The following SCN7A variants were observed in gnomAD, a reference collection of about 807,000 sequenced individuals.
The protein encoded by SCN7A is sodium voltage-gated channel alpha subunit 7.
Under a neutral mutation model 155.2 loss-of-function variants are expected in SCN7A, and 138 were observed. That is an observed-to-expected ratio of 0.89 (90% CI 0.77 to 1.02). The LOEUF is 1.02. SCN7A is among the 50% of genes least tolerant of loss of function. The pLI is 0.00. For missense variants in SCN7A, 2,058 were observed against 1,986.6 expected (o/e 1.04, Z -0.68); for synonymous variants, 693 against 649.0 (o/e 1.07, Z -1.03).
At chr2:166,492,638 A>C (rs1043787430) in intron 1 of SCN7A, among the ~76,000 whole-genome samples, 9 of 152,220 alleles carry the variant, frequency 5.9e-5, no homozygotes, top group Non-Finnish European at 1.2e-4. Context: ...AGGTGGCAAG[A>C]AAAGGATTTG....
chr2:166,441,286 A>G (rs1701953795), intron 15 of SCN7A, 110 bp downstream of exon 15: 3 of 721,734 alleles, frequency 4.2e-6, no homozygotes, highest in Non-Finnish European at 6.7e-6. Context: ...GGGTTACTCT[A>G]TTGGACTACC....
chr2:166,454,810 T>C (rs752793220), intron 11 of SCN7A, among the ~76,000 whole-genome samples: 10 of 152,200 alleles, frequency 6.6e-5, no homozygotes, highest in South Asian at 2.1e-4. Flanking sequence ...TACCATCTGG[T>C]CCTTTCTTTA....
Position 166,417,518 on chromosome 2 carries a change from T to C in SCN7A, c.3136-533A>G, listed in dbSNP as rs551232121. Among the ~76,000 whole-genome samples the C allele has an allele frequency of 2.1e-4, 32 of 152,024 alleles. No homozygotes were observed. In the South Asian group the frequency reaches 6.4e-3, roughly 31 times the overall value. On this transcript the variant is annotated intron_variant, in intron 20 of 25. Coordinates refer to ENST00000643258, the MANE Select transcript of SCN7A (RefSeq NM_002976.4). ...TTCAACTCTAGATATTCTTAAAATGTTTGTACTAAAAAATCATTAAATGGC... is the reference window on the plus strand; with the variant it reads ...TTCAACTCTAGATATTCTTAAAATGCTTGTACTAAAAAATCATTAAATGGC...
In SCN7A at chr2:166,409,758, C is replaced by G. The variant is rs1387529936; in HGVS notation, c.3889G>C (p.Glu1297Gln). 5.8e-6 allele frequency: 9 copies of G among 1,560,382 alleles called. No individual in the cohort carries two copies. Among genetic ancestry groups the G allele is most frequent in the South Asian group, 1.2e-5 (1 of 84,668 alleles). The change falls in exon 25 of 26, where the codon GAA (glutamate) becomes CAA (glutamine). Residue 1297 changes from glutamate to glutamine, a missense_variant. Glu to Gln is a conservative substitution (Grantham distance 29). Coordinates refer to ENST00000643258, the MANE Select transcript of SCN7A (RefSeq NM_002976.4). ...NSIFVMLYTMECILKLIAFRC... is the reference protein window; with the variant it reads ...NSIFVMLYTMQCILKLIAFRC... ...AAAGCGATGAGCTTCAGTATACATT[C>G]CATAGTATATAGCATAACAAAAATT...
intron 2 of SCN7A, among the ~76,000 whole-genome samples, chr2:166,479,923 C>T (rs1327055783): frequency 1.3e-5 from 2 of 152,072 alleles, no homozygotes; most frequent in Non-Finnish European, 2.9e-5. Context: ...GAGCTGTCTT[C>T]CCAGACTAAT....
intron 21 of SCN7A, among the ~76,000 whole-genome samples, chr2:166,413,756 G>A (rs558606473): frequency 6.6e-6 from 1 of 151,034 alleles, no homozygotes; most frequent in East Asian, 2.0e-4. Flanking sequence ...AAGCAGGCAG[G>A]AAAACGTGAA....
At chr2:166,407,069 G>A (rs564962099) in intron 25 of SCN7A, among the ~76,000 whole-genome samples, 51 of 152,096 alleles carry the variant, frequency 3.4e-4, no homozygotes, top group African/African-American at 1.2e-3. Flanking sequence ...CATGATTTCT[G>A]TCTTCAGGAA....
rs145484755 is a variant in SCN7A at position 166,434,410 on chromosome 2, T to C, written c.2158-1658A>G. Among the ~76,000 whole-genome samples, 67 of 152,280 alleles carry C rather than the reference T, an allele frequency of 4.4e-4. No individual in the cohort carries two copies. The East Asian group carries it at 0.013, about 29-fold the overall frequency. Reference sequence around the variant, plus strand: ...GAAATGTTTTGTGGGTGAGAGCATCTGAAAAACTGGCAAATATCTTTTATA... The same window carrying C: ...GAAATGTTTTGTGGGTGAGAGCATCCGAAAAACTGGCAAATATCTTTTATA... On this transcript the variant is annotated intron_variant, in intron 15 of 25. Coordinates refer to ENST00000643258, the MANE Select transcript of SCN7A (RefSeq NM_002976.4).
At chr2:166,485,992 C>A (rs115491820) in intron 2 of SCN7A, among the ~76,000 whole-genome samples, 3 of 152,202 alleles carry the variant, frequency 2.0e-5, no homozygotes, top group East Asian at 3.9e-4. Context: ...TGCTTCTCAG[C>A]GGAATACAAA....
chr2:166,475,895 T>C (rs896223691), intron 3 of SCN7A, among the ~76,000 whole-genome samples: 2 of 151,930 alleles, frequency 1.3e-5, no homozygotes, highest in Non-Finnish European at 2.9e-5. Flanking sequence ...AGACCAAGAG[T>C]AACTCTGGGC....
chr2:166,470,204 G>A (rs1702623153), intron 7 of SCN7A, among the ~76,000 whole-genome samples: 1 of 151,628 alleles, frequency 6.6e-6, no homozygotes, highest in Non-Finnish European at 1.5e-5. Flanking sequence ...AAAGCAAAGG[G>A]GAATTCATCT....
chr2:166,438,253 C>T (rs1701880227), intron 15 of SCN7A, among the ~76,000 whole-genome samples: 1 of 152,280 alleles, frequency 6.6e-6, no homozygotes, highest in East Asian at 1.9e-4. Context: ...CTTTCCCCTG[C>T]TTCACTATGC....
intron 16 of SCN7A, among the ~76,000 whole-genome samples, chr2:166,431,214 C>T (rs1173446485): frequency 6.6e-6 from 1 of 151,968 alleles, no homozygotes; most frequent in Non-Finnish European, 1.5e-5. Context: ...AGAATTTATG[C>T]CTGTTTTATA....
At chr2:166,451,455 C>T (rs1366333916) in intron 11 of SCN7A, among the ~76,000 whole-genome samples, 1 of 152,024 alleles carries the variant, frequency 6.6e-6, no homozygotes, top group Admixed American at 6.6e-5. Flanking sequence ...TTTTGACAAC[C>T]CAATATTAAA....
Position 166,473,879 on chromosome 2 carries a change from T to G in SCN7A, c.363A>C (p.Gln121His), listed in dbSNP as rs370293264. ...TIKVLVHPFF[Q>H]LFILISVLID... ...TCAGGACACTAATTAGAATAAACAG[T>G]TGGAAAAAGGTAGCTTATAGTCAAG... is the stretch of plus-strand genomic sequence containing the variant. Residue 121 changes from glutamine (Q) to histidine (H), a missense_variant, in exon 5 of 26, where the codon CAA becomes CAC. Physicochemically the swap from Gln to His is conservative, Grantham distance 24. Transcript: ENST00000643258. 6.4e-7 allele frequency: 1 copy of G among 1,560,866 alleles called. No individual in the cohort carries two copies. Among genetic ancestry groups the G allele is most frequent in the Non-Finnish European group, 8.7e-7 (1 of 1,147,930 alleles).
In SCN7A at chr2:166,427,788, C is replaced by T; in HGVS notation, c.2853G>A (p.Leu951=). ...GLVTLLSTGT[L]AFEDIYMDQR... is the part of the protein sequence containing the mutation. ...TCAAACACCCTGGCTGCCCACTTAC[C>T]AGAGTGCCAGTGCTGAGCAGAGTAA... Residue 951 remains leucine (L), a splice_region_variant and synonymous_variant, in exon 18 of 26, where the codon CTG becomes CTA. Coordinates refer to ENST00000643258, the MANE Select transcript of SCN7A (RefSeq NM_002976.4). 1.9e-6 allele frequency: 3 copies of T among 1,604,582 alleles called. No individual in the cohort carries two copies. The highest frequency in any genetic ancestry group is 2.7e-5 in the African/African-American group (2 of 74,806).
intron 6 of SCN7A, 82 bp downstream of exon 6, chr2:166,472,235 C>T: frequency 7.3e-7 from 1 of 1,369,908 alleles, no homozygotes; most frequent in Non-Finnish European, 9.7e-7. Flanking sequence ...AGGCCAAAAT[C>T]TTTGCAGACG....
At position 166,441,753 on chromosome 2, in the gene SCN7A, C is replaced by A. The variant is rs529728627; in HGVS notation, c.1801-1G>T. The A allele has an allele frequency of 6.3e-7, 1 of 1,585,708 alleles. No individual in the cohort carries two copies. Among genetic ancestry groups the A allele is most frequent in the Non-Finnish European group, 8.6e-7 (1 of 1,167,832 alleles). ...ACTTTCCCAACTTGAAAATTCTTAA[C>A]TAATAGAGCAATGTAAAATCAAGAA... On this transcript the variant is annotated splice_acceptor_variant, in intron 14 of 25. Coordinates refer to ENST00000643258, the MANE Select transcript of SCN7A (RefSeq NM_002976.4). LOFTEE classifies it high-confidence loss of function.
At chr2:166,424,109 A>G (rs1575013882) in intron 18 of SCN7A, among the ~76,000 whole-genome samples, 1 of 152,258 alleles carries the variant, frequency 6.6e-6, no homozygotes, top group East Asian at 1.9e-4. Flanking sequence ...ATAATCTCAT[A>G]TAAAGAATGA....
Sources: gnomAD v4.1 joint callset for allele counts (sites outside exome capture counted in the v4.1 genomes callset) on GRCh38, gnomAD v4.1.1 for gene constraint, MANE v1.5 for transcripts, NCBI Gene and HGNC (gene_info 2026-07-23, HGNC 2026-07-21) for gene names.